CAPN6: variants seen among roughly 807,000 people sequenced by gnomAD.
CAPN6 encodes calpain 6.
In CAPN6, 16 loss-of-function variants were observed where a neutral mutation model predicts 46.0. That is an observed-to-expected ratio of 0.35 (90% CI 0.24 to 0.53). The LOEUF (loss-of-function observed/expected upper bound fraction) is 0.53, where lower values mean the gene tolerates loss of function less well. Among genes scored for constraint, CAPN6 ranks in the 20% least tolerant of loss-of-function variants. The pLI is 0.94. For missense variants in CAPN6, 461 were observed against 498.0 expected, an observed-to-expected ratio of 0.93 and a Z score of 0.71; for synonymous variants, 206 against 172.8, an observed-to-expected ratio of 1.19 and a Z score of -1.51.
intron 2 of CAPN6, among the ~76,000 whole-genome samples, chrX:111,257,672 G>A (rs1356322956): frequency 2.7e-5 from 3 of 112,015 alleles, no homozygotes; most frequent in Non-Finnish European, 3.8e-5. Flanking sequence ...TTGGGGTTAA[G>A]GATGTAAGAC....
In CAPN6 at chrX:111,246,605, A is replaced by G; in HGVS notation, c.1898T>C (p.Ile633Thr). 1 of 1,211,233 alleles carries G rather than the reference A, an allele frequency of 8.3e-7. No homozygotes were observed. The highest frequency in any genetic ancestry group is 1.1e-6 in the Non-Finnish European group (1 of 895,181). The change falls in exon 13 of 13, where the codon ATT (isoleucine) becomes ACT (threonine). Residue 633 changes from isoleucine to threonine, a missense_variant. Ile to Thr is a moderately conservative substitution (Grantham distance 89, BLOSUM62 -1). Transcript: ENST00000324068. Reference protein sequence around the residue: ...VKQGHISFKVISSDDLTEL With the variant: ...VKQGHISFKVTSSDDLTEL ...GAGCTCAGTGAGATCATCGCTGGAAATAACCTTGAAGCTGATGTGGCCTTG... is the reference window on the plus strand; with the variant it reads ...GAGCTCAGTGAGATCATCGCTGGAAGTAACCTTGAAGCTGATGTGGCCTTG...
At chrX:111,267,008 T>G (rs897220125) in intron 1 of CAPN6, among the ~76,000 whole-genome samples, 33 of 112,348 alleles carry the variant, frequency 2.9e-4, no homozygotes, top group Admixed American at 1.0e-3. Flanking sequence ...CAGAAATTTG[T>G]AAGTTGAGTT....
At chrX:111,263,640 A>C (rs1034346121) in intron 2 of CAPN6, 132 bp downstream of exon 2, 1 of 451,179 alleles carries the variant, frequency 2.2e-6, no homozygotes, top group African/African-American at 2.5e-5. Context: ...AAGCTGAAAA[A>C]AAAAGAAAGG....
chrX:111,262,699 G>T (rs146205820), intron 2 of CAPN6, among the ~76,000 whole-genome samples: 13 of 111,873 alleles, frequency 1.2e-4, no homozygotes, highest in African/African-American at 4.2e-4. Context: ...GGTATAGCAA[G>T]GTTGCAATTT....
Position 111,248,745 on chromosome X carries a change from G to A in CAPN6, c.1308C>T (p.Leu436=). Residue 436 remains leucine, a synonymous_variant, in exon 10 of 13, where the codon CTC becomes CTT. Transcript: ENST00000324068. The stretch of plus-strand genomic sequence containing the variant: ...CACGCTCCTGGATGTAGAGGTGGTG[G>A]AGGCGGAATTTGCGGTTCATCTCCA... The part of the protein sequence containing the change: ...FKVEMNRKFR[L]HHLYIQERAG... 8.3e-7 allele frequency: 1 copy of A among 1,211,407 alleles called. No individual in the cohort carries two copies. The highest frequency in any genetic ancestry group is 1.1e-6 in the Non-Finnish European group (1 of 895,232).
Position 111,259,243 on chromosome X carries a change from T to C in CAPN6, c.165+4529A>G, listed in dbSNP as rs2235492. 5.5e-4 allele frequency among the ~76,000 whole-genome samples: 62 copies of C among 112,792 alleles called. No homozygotes were observed. In the East Asian group the frequency reaches 0.015, roughly 28 times the overall value. On this transcript the variant is annotated intron_variant, in intron 2 of 12. Transcript: ENST00000324068. ...AAGTTTGTTAATGCATAATTTAAAATAAATAGGACAGTTGGAGAAAAGACT... is the reference window on the plus strand; with the variant it reads ...AAGTTTGTTAATGCATAATTTAAAACAAATAGGACAGTTGGAGAAAAGACT...
At position 111,263,893 on chromosome X, in the gene CAPN6, T is replaced by G; in HGVS notation, c.44A>C (p.Glu15Ala). ...GTCTTTGATGCATTCCTGCTTCAGTTCCTGGTATTTCTGGTTTTTGAAGAG... is the reference window on the plus strand; with the variant it reads ...GTCTTTGATGCATTCCTGCTTCAGTGCCTGGTATTTCTGGTTTTTGAAGAG... ...LKLFKNQKYQ[E>A]LKQECIKDSR... The change falls in exon 2 of 13, where the codon GAA becomes GCA. Residue 15 changes from glutamate to alanine, a missense_variant. Glu to Ala is a moderately radical substitution (Grantham distance 107). Coordinates refer to ENST00000324068, the MANE Select transcript of CAPN6 (RefSeq NM_014289.4). The G allele has an allele frequency of 8.3e-7, 1 of 1,206,720 alleles. No individual in the cohort carries two copies. Among genetic ancestry groups the G allele is most frequent in the Non-Finnish European group, 1.1e-6 (1 of 892,891 alleles).
At chrX:111,256,014 T>A (rs1487820072) in intron 2 of CAPN6, among the ~76,000 whole-genome samples, 1 of 112,073 alleles carries the variant, frequency 8.9e-6, no homozygotes, top group Non-Finnish European at 1.9e-5. Flanking sequence ...TTCTTCTCAT[T>A]TTTTTGGCCT....
At chrX:111,249,304 C>T (rs1234077095) in intron 8 of CAPN6, among the ~76,000 whole-genome samples, 1 of 111,469 alleles carries the variant, frequency 9.0e-6, no homozygotes, top group East Asian at 2.8e-4. Context: ...GCCTTTGATG[C>T]CAAAGAGGAT....
chrX:111,267,747 T>C (rs1321025919), intron 1 of CAPN6, among the ~76,000 whole-genome samples: 4 of 111,635 alleles, frequency 3.6e-5, no homozygotes, highest in African/African-American at 1.3e-4. Context: ...GGCTGAGGCA[T>C]TGTTCCTGCC....
chrX:111,246,789 G>A (rs748244880), intron 12 of CAPN6, 30 bp from the exon 13 acceptor site: 3 of 1,143,181 alleles, frequency 2.6e-6, no homozygotes, highest in African/African-American at 3.5e-5. Context: ...GAGTGAAGAT[G>A]AGCAGCCCTC....
At chrX:111,248,125 C>T (rs1465423903) in intron 10 of CAPN6, 133 bp from the exon 11 acceptor site, 1 of 588,553 alleles carries the variant, frequency 1.7e-6, no homozygotes, top group African/African-American at 2.3e-5. Context: ...TCAGATATGT[C>T]TTATATATAT....
In CAPN6 at chrX:111,252,446, A is replaced by G. The variant is rs1483251103; in HGVS notation, c.560T>C (p.Val187Ala). 11 of 1,209,630 alleles carry G rather than the reference A, an allele frequency of 9.1e-6. No individual in the cohort carries two copies. Among genetic ancestry groups the G allele is most frequent in the African/African-American group, 3.5e-5 (2 of 57,194 alleles). Residue 187 changes from valine (V) to alanine (A), a missense_variant, in exon 5 of 13, where the codon GTG becomes GCG. Val to Ala is a moderately conservative substitution (Grantham distance 64, BLOSUM62 0). Coordinates refer to ENST00000324068, the MANE Select transcript of CAPN6 (RefSeq NM_014289.4). ...LDGLTITDII[V>A]DFTGTLAETV... Reference sequence around the variant, plus strand: ...TTCAGCCAATGTGCCCGTGAAGTCCACAATAATATCAGTGATGGTCAAACC... The same window carrying G: ...TTCAGCCAATGTGCCCGTGAAGTCCGCAATAATATCAGTGATGGTCAAACC...
intron 4 of CAPN6, 118 bp from the exon 5 acceptor site, chrX:111,252,617 T>C: frequency 1.9e-6 from 1 of 536,148 alleles, no homozygotes; most frequent in Middle Eastern, 3.6e-4. Context: ...TTTCTCTAGG[T>C]ATGAAATGAG....
At chrX:111,257,709 G>A (rs758960102) in intron 2 of CAPN6, among the ~76,000 whole-genome samples, 1 of 111,917 alleles carries the variant, frequency 8.9e-6, no homozygotes, top group South Asian at 3.8e-4. Flanking sequence ...ACTCAAAGCT[G>A]AGATGCAGAG....
At position 111,247,861 on chromosome X, in the gene CAPN6, C is replaced by A; in HGVS notation, c.1606+10G>T. 2 of 1,207,968 alleles carry A rather than the reference C, an allele frequency of 1.7e-6. No individual in the cohort carries two copies. Among genetic ancestry groups the A allele is most frequent in the African/African-American group, 3.5e-5 (2 of 57,693 alleles). On this transcript the variant is annotated intron_variant, in intron 11 of 12. Coordinates refer to ENST00000324068, the MANE Select transcript of CAPN6 (RefSeq NM_014289.4). Reference sequence around the variant, plus strand: ...AATTTTGCTTTCCCAGACATTCCTGCCATTCTTACTTTCATTGGCATACTT... The same window carrying A: ...AATTTTGCTTTCCCAGACATTCCTGACATTCTTACTTTCATTGGCATACTT...
intron 3 of CAPN6, among the ~76,000 whole-genome samples, chrX:111,253,831 G>A (rs1237249354): frequency 8.9e-6 from 1 of 112,045 alleles, no homozygotes; most frequent in Non-Finnish European, 1.9e-5. Flanking sequence ...AGGAATTTTT[G>A]TACTATTAAT....
At chrX:111,250,772 C>T (rs769162133) in intron 8 of CAPN6, 145 bp downstream of exon 8, 44 of 564,328 alleles carry the variant, frequency 7.8e-5, no homozygotes, top group Admixed American at 1.3e-4. Flanking sequence ...TGAGACAATC[C>T]GTAGGGATCC....
intron 2 of CAPN6, among the ~76,000 whole-genome samples, chrX:111,254,889 T>G (rs2094982567): frequency 8.9e-6 from 1 of 112,067 alleles, no homozygotes; most frequent in South Asian, 3.7e-4. Flanking sequence ...GAAAACCAGT[T>G]AGGAGACCTT....
Sources: allele counts gnomAD v4.1 joint callset (sites outside exome capture counted in the v4.1 genomes callset), GRCh38; gene constraint gnomAD v4.1.1; transcripts MANE v1.5; gene names NCBI Gene and HGNC (gene_info 2026-07-23, HGNC 2026-07-21).